The following PTPRD variants were observed in gnomAD, a reference collection of about 807,000 sequenced individuals.
The protein encoded by PTPRD is receptor-type tyrosine-protein phosphatase delta.
PTPRD carries 34 observed loss-of-function variants against 214.5 expected under a neutral mutation model. The ratio of observed to expected loss-of-function variants is 0.16; its 90% CI spans 0.12 to 0.21. PTPRD has a LOEUF of 0.21. Among genes scored for constraint, PTPRD ranks in the 10% least tolerant of loss-of-function variants. The pLI, the probability that PTPRD is intolerant of heterozygous loss-of-function variation, is 1.00. For synonymous variants in PTPRD, 1,128 were observed against 845.7 expected, an observed-to-expected ratio of 1.33 and a Z score of -5.79; for missense variants, 2,545 against 2,398.7, an observed-to-expected ratio of 1.06 and a Z score of -1.27.
chr9:8,471,167 A>C, intron 30 of PTPRD, 82 bp from the exon 31 acceptor site: 1 of 1,189,544 alleles, frequency 8.4e-7, no homozygotes, highest in Non-Finnish European at 1.3e-6. Flanking sequence ...CCACAGACCA[A>C]TGAGGTTGAA....
At chr9:8,509,194 G>T (rs1446165701) in intron 21 of PTPRD, among the ~76,000 whole-genome samples, 1 of 151,942 alleles carries the variant, frequency 6.6e-6, no homozygotes, top group African/African-American at 2.4e-5. Context: ...AGAGGCAGAG[G>T]GACAGAGGGG....
chr9:10,488,143 G>A (rs535851763), intron 2 of PTPRD, among the ~76,000 whole-genome samples: 2 of 151,900 alleles, frequency 1.3e-5, no homozygotes, highest in Admixed American at 6.6e-5. Context: ...CGAGCCGGGT[G>A]GATCACAAGG....
chr9:8,637,760 A>G, intron 12 of PTPRD, among the ~76,000 whole-genome samples: 1 of 152,224 alleles, frequency 6.6e-6, no homozygotes, highest in Non-Finnish European at 1.5e-5. Flanking sequence ...ATTAAACAGT[A>G]TGGGATTTCT....
intron 14 of PTPRD, among the ~76,000 whole-genome samples, chr9:8,607,066 A>T (rs2095252971): frequency 6.6e-6 from 1 of 152,206 alleles, no homozygotes; most frequent in African/African-American, 2.4e-5. Context: ...ACATTGGACA[A>T]AGGATACAAA....
At chr9:9,599,204 C>T (rs2093581567) in intron 7 of PTPRD, among the ~76,000 whole-genome samples, 1 of 151,962 alleles carries the variant, frequency 6.6e-6, no homozygotes, top group African/African-American at 2.4e-5. Flanking sequence ...AGGCACAATG[C>T]TAAAGTAATA....
At chr9:10,601,735 C>G (rs2078027124) in intron 2 of PTPRD, among the ~76,000 whole-genome samples, 1 of 151,720 alleles carries the variant, frequency 6.6e-6, no homozygotes, top group African/African-American at 2.4e-5. Context: ...CCAAGCTTTT[C>G]AGCGACAGAA....
intron 5 of PTPRD, among the ~76,000 whole-genome samples, chr9:9,898,850 C>G (rs192061545): frequency 7.6e-4 from 115 of 152,102 alleles, no homozygotes; most frequent in African/African-American, 2.7e-3. Context: ...TATACTAAAC[C>G]CACAGGATTA....
chr9:9,486,274 A>C (rs2095633193), intron 8 of PTPRD, among the ~76,000 whole-genome samples: 1 of 146,440 alleles, frequency 6.8e-6, no homozygotes, highest in Non-Finnish European at 1.5e-5. Flanking sequence ...AACATCCCTT[A>C]CCTTTGCGTC....
chr9:10,053,114 T>C (rs578114676), intron 3 of PTPRD, among the ~76,000 whole-genome samples: 13 of 152,306 alleles, frequency 8.5e-5, no homozygotes, highest in African/African-American at 3.1e-4. Context: ...GATGCTGATG[T>C]AAGCAAAATA....
In PTPRD at chr9:8,392,763, C is replaced by T. The variant is rs140329039; in HGVS notation, c.4211-3356G>A. Among the ~76,000 whole-genome samples, 153 of 152,210 alleles carry T rather than the reference C, an allele frequency of 1.0e-3. 5 individuals are homozygous for T. The East Asian group carries it at 0.025, about 25-fold the overall frequency. Reference sequence around the variant, plus strand: ...TCAGGTAAGTTCTCTCTCACAGATCCTCTGCAAATGTGGAGATAAGAGAGA... The same window carrying T: ...TCAGGTAAGTTCTCTCTCACAGATCTTCTGCAAATGTGGAGATAAGAGAGA... On this transcript the variant is annotated intron_variant, in intron 36 of 45. Coordinates refer to ENST00000381196, the MANE Select transcript of PTPRD (RefSeq NM_002839.4).
chr9:10,061,896 T>C (rs927696826), intron 3 of PTPRD, among the ~76,000 whole-genome samples: 1 of 151,992 alleles, frequency 6.6e-6, no homozygotes, highest in African/African-American at 2.4e-5. Flanking sequence ...CACCCGGAAC[T>C]CGCTAGAAAT....
chr9:8,752,347 T>A (rs934814861), intron 11 of PTPRD, among the ~76,000 whole-genome samples: 2 of 152,008 alleles, frequency 1.3e-5, no homozygotes, highest in African/African-American at 4.8e-5. Flanking sequence ...GCCATGGCAG[T>A]TTACAGATGC....
intron 7 of PTPRD, among the ~76,000 whole-genome samples, chr9:9,714,978 T>G (rs1032546618): frequency 1.3e-5 from 2 of 152,220 alleles, no homozygotes; most frequent in Non-Finnish European, 2.9e-5. Context: ...GACTATTGTG[T>G]TTCTTTTTTC....
intron 3 of PTPRD, among the ~76,000 whole-genome samples, chr9:10,304,908 C>G (rs2096006170): frequency 6.6e-6 from 1 of 152,170 alleles, no homozygotes; most frequent in South Asian, 2.1e-4. Context: ...AAAAAAACTA[C>G]TTTAAAGTTC....
At chr9:9,524,188 G>A (rs2073442123) in intron 8 of PTPRD, among the ~76,000 whole-genome samples, 1 of 152,122 alleles carries the variant, frequency 6.6e-6, no homozygotes, top group Non-Finnish European at 1.5e-5. Context: ...CTGGAGGTGA[G>A]TATGGGAGCC....
intron 7 of PTPRD, among the ~76,000 whole-genome samples, chr9:9,704,614 C>T (rs1189669925): frequency 6.6e-6 from 1 of 152,172 alleles, no homozygotes; most frequent in Non-Finnish European, 1.5e-5. Flanking sequence ...TCTGGAACTT[C>T]CAAGAATATT....
chr9:10,286,301 G>C (rs539514554), intron 3 of PTPRD, among the ~76,000 whole-genome samples: 5 of 151,970 alleles, frequency 3.3e-5, no homozygotes, highest in Non-Finnish European at 7.4e-5. Flanking sequence ...AATTAGCCAG[G>C]CATAGTGATA....
At chr9:9,146,723 C>T (rs1415539568) in intron 10 of PTPRD, among the ~76,000 whole-genome samples, 1 of 152,028 alleles carries the variant, frequency 6.6e-6, no homozygotes, top group African/African-American at 2.4e-5. Context: ...TAAGTAAAAA[C>T]AATAATAACT....
chr9:8,875,022 G>A (rs1360729504), intron 11 of PTPRD, among the ~76,000 whole-genome samples: 1 of 152,150 alleles, frequency 6.6e-6, no homozygotes. Context: ...CTCATCAGTG[G>A]TAGAGTCTTC....
Sources: gnomAD v4.1 joint callset for allele counts (sites outside exome capture counted in the v4.1 genomes callset) on GRCh38, gnomAD v4.1.1 for gene constraint, MANE v1.5 for transcripts, NCBI Gene and HGNC (gene_info 2026-07-23, HGNC 2026-07-21) for gene names.